TNS1: variants seen among roughly 807,000 people sequenced by gnomAD.
TNS1 encodes tensin 1, also known as tensin-1.
Under a neutral mutation model 168.6 loss-of-function variants are expected in TNS1, and 62 were observed. The ratio of observed to expected loss-of-function variants is 0.37; its 90% CI spans 0.30 to 0.45. The LOEUF is 0.45. Among genes scored for constraint, TNS1 ranks in the 20% least tolerant of loss-of-function variants. TNS1 has a pLI of 1.00. For missense variants in TNS1, 2,240 were observed against 2,339.4 expected, an observed-to-expected ratio of 0.96 and a Z score of 0.88; for synonymous variants, 934 against 933.2, an observed-to-expected ratio of 1.00 and a Z score of -0.02.
Position 217,979,071 on chromosome 2 carries a change from G to A in TNS1, c.149-269C>T, listed in dbSNP as rs548283984. 170 of 453,042 alleles carry A rather than the reference G, an allele frequency of 3.8e-4. 2 individuals are homozygous for A. Among genetic ancestry groups the A allele is most frequent in the Middle Eastern group, 1.8e-3 (3 of 1,636 alleles). 28.1% of individuals were successfully genotyped at this position (453,042 alleles called of 1,614,324 possible). ...AGCCCCTCCGGGTGCGGGAAGGTGG[G>A]GGGAGCAAAGGGGGGGGTCCCCCAC... On this transcript the variant is annotated intron_variant, in intron 2 of 32. Transcript: ENST00000682258.
intron 19 of TNS1, among the ~76,000 whole-genome samples, chr2:217,836,675 G>A (rs1945217733): frequency 6.6e-6 from 1 of 152,188 alleles, no homozygotes; most frequent in African/African-American, 2.4e-5. Flanking sequence ...GTGCTCCCAA[G>A]GAGAAACAAA....
At chr2:217,889,173 T>C (rs886211645) in intron 12 of TNS1, among the ~76,000 whole-genome samples, 11 of 152,240 alleles carry the variant, frequency 7.2e-5, no homozygotes, top group Admixed American at 6.5e-5. Flanking sequence ...CAGAATTTTC[T>C]GCACATAAAG....
intron 22 of TNS1, chr2:217,830,335 T>C (rs1348783099): frequency 6.2e-7 from 1 of 1,613,980 alleles, no homozygotes; most frequent in African/African-American, 1.3e-5. Flanking sequence ...CGTGGCTTCA[T>C]GGGTCACAAA....
chr2:217,870,967 G>T (rs1027989298), intron 18 of TNS1, among the ~76,000 whole-genome samples: 27 of 152,232 alleles, frequency 1.8e-4, no homozygotes, highest in African/African-American at 5.5e-4. Flanking sequence ...AATTGTGCCA[G>T]TGAGTCAGGA....
chr2:217,933,129 C>G (rs1438650771), intron 3 of TNS1, among the ~76,000 whole-genome samples: 1 of 152,190 alleles, frequency 6.6e-6, no homozygotes. Context: ...CTGGCTGTCA[C>G]CAGCATTGTT....
At chr2:217,823,346 C>T (rs2125212225) in intron 22 of TNS1, among the ~76,000 whole-genome samples, 1 of 152,214 alleles carries the variant, frequency 6.6e-6, no homozygotes, top group East Asian at 1.9e-4. Context: ...TAGTCAGGTC[C>T]TCCAGGTCCC....
chr2:217,895,151 C>A (rs923174169), intron 8 of TNS1, 95 bp from the exon 9 acceptor site: 103 of 1,282,902 alleles, frequency 8.0e-5, no homozygotes, highest in Non-Finnish European at 1.1e-4. Flanking sequence ...CAGAAAGGAC[C>A]GTGGCATCAT....
chr2:217,807,888 G>A (rs890904486), intron 32 of TNS1, among the ~76,000 whole-genome samples, 187 bp downstream of exon 32: 23 of 152,174 alleles, frequency 1.5e-4, no homozygotes, highest in African/African-American at 4.3e-4. Flanking sequence ...CTCTGGCCTC[G>A]AGGCAGGACA....
intron 11 of TNS1, 101 bp from the exon 12 acceptor site, chr2:217,891,146 A>G: frequency 9.1e-7 from 1 of 1,104,684 alleles, no homozygotes; most frequent in Non-Finnish European, 1.4e-6. Context: ...CACTCTGGCC[A>G]AAGAGCACCT....
At chr2:217,844,168 C>A (rs572734142) in intron 19 of TNS1, among the ~76,000 whole-genome samples, 2 of 152,288 alleles carry the variant, frequency 1.3e-5, no homozygotes, top group South Asian at 4.1e-4. Context: ...GTTCTACCCC[C>A]ACAGTATCCA....
chr2:217,900,585 G>T, intron 6 of TNS1, 73 bp from the exon 7 acceptor site: 1 of 1,409,254 alleles, frequency 7.1e-7, no homozygotes, highest in Non-Finnish European at 9.7e-7. Context: ...CCAGAGAGCT[G>T]TCCACGGGGG....
chr2:217,849,942 C>A (rs1193935746), intron 18 of TNS1: 1 of 985,270 alleles, frequency 1.0e-6, no homozygotes, highest in Non-Finnish European at 1.2e-6. Flanking sequence ...GATTTGTCTC[C>A]AGCTCAATGC....
Position 217,988,174 on chromosome 2 carries a change from A to C in TNS1, c.148+2768T>G, listed in dbSNP as rs115005518. ...TGGCTTTCTTCCCACCAAACTCCCC[A>C]CCCTCCAGAGCCCAGCCAGAGCTGC... On this transcript the variant is annotated intron_variant, in intron 2 of 32. Coordinates refer to ENST00000682258, the MANE Select transcript of TNS1 (RefSeq NM_001387777.1). Among the ~76,000 whole-genome samples, 1,398 of 151,094 alleles carry C rather than the reference A, an allele frequency of 9.3e-3. 31 individuals are homozygous for C. Among genetic ancestry groups the C allele is most frequent in the African/African-American group, 0.032 (1,313 of 41,112 alleles).
At chr2:218,002,434 C>T (rs1244181900) in intron 1 of TNS1, among the ~76,000 whole-genome samples, 1 of 152,228 alleles carries the variant, frequency 6.6e-6, no homozygotes, top group African/African-American at 2.4e-5. Flanking sequence ...AGCCCCACCA[C>T]TGCCTCCTCC....
rs760470025 is a variant in TNS1, at chr2:217,991,012, C to A, written c.78G>T (p.Lys26Asn). The change falls in exon 2 of 33, where the codon AAG (lysine) becomes AAT (asparagine). Residue 26 changes from lysine to asparagine, a missense_variant. Lys to Asn is a moderately conservative substitution (Grantham distance 94). Coordinates refer to ENST00000682258, the MANE Select transcript of TNS1 (RefSeq NM_001387777.1). ...CACAGGGCTTCACCTTCTTGAAGGTCTTCACCTTGAAGCGGTGTGTCTTGG... is the reference window on the plus strand; with the variant it reads ...CACAGGGCTTCACCTTCTTGAAGGTATTCACCTTGAAGCGGTGTGTCTTGG... ...EAPKTHRFKV[K>N]TFKKVKPCGI... The A allele has an allele frequency of 4.3e-6, 3 of 695,132 alleles. No homozygotes were observed. In the South Asian group the frequency reaches 4.5e-5, roughly 10 times the overall value. The allele number at this position is 695,132 out of a possible 1,614,324, so 43.1% of individuals were successfully genotyped here.
intron 22 of TNS1, among the ~76,000 whole-genome samples, chr2:217,828,839 G>T (rs1274603697): frequency 6.6e-6 from 1 of 152,226 alleles, no homozygotes. Context: ...AGTTGTCTGA[G>T]ATCCCCGAAA....
chr2:218,007,910 TA>T (rs1240168308), upstream of TNS1, among the ~76,000 whole-genome samples: 1 of 152,158 alleles, frequency 6.6e-6, no homozygotes, highest in Non-Finnish European at 1.5e-5. Flanking sequence ...CATGGGGCAC[TA>T]CATTCTAATG....
At chr2:217,978,102 A>T (rs1301328479) in intron 3 of TNS1, among the ~76,000 whole-genome samples, 1 of 152,172 alleles carries the variant, frequency 6.6e-6, no homozygotes, top group African/African-American at 2.4e-5. Flanking sequence ...TCAGGGGCTG[A>T]GCCAGCCTGG....
intron 6 of TNS1, among the ~76,000 whole-genome samples, chr2:217,906,060 A>G (rs1863798): frequency 0.46 from 69,811 of 151,828 alleles, 17,013 homozygotes; most frequent in African/African-American, 0.63. Flanking sequence ...CCCCATGGCC[A>G]CTCATCACAC....
Sources: gnomAD v4.1 joint callset for allele counts (sites outside exome capture counted in the v4.1 genomes callset) on GRCh38, gnomAD v4.1.1 for gene constraint, MANE v1.5 for transcripts, NCBI Gene and HGNC (gene_info 2026-07-23, HGNC 2026-07-21) for gene names.